Variants in SAMD5 observed in about 807,000 individuals in gnomAD.
The protein encoded by SAMD5 is sterile alpha motif domain-containing protein 5.
SAMD5 carries 13 observed loss-of-function variants against 11.3 expected under a neutral mutation model. The ratio of observed to expected loss-of-function variants is 1.15; its 90% CI spans 0.75 to 1.83. The LOEUF (loss-of-function observed/expected upper bound fraction) is 1.83, where lower values mean the gene tolerates loss of function less well. Among genes scored for constraint, SAMD5 ranks in the 40% most tolerant of loss-of-function variants. The pLI, the probability that SAMD5 is intolerant of heterozygous loss-of-function variation, is 0.00. For missense variants in SAMD5, 255 were observed against 239.1 expected (o/e 1.07, Z -0.44); for synonymous variants, 129 against 111.3 (o/e 1.16, Z -1.00).
chr6:147,562,939 CTTGGT>C (rs1283104665), intron 1 of SAMD5, among the ~76,000 whole-genome samples: 3 of 152,176 alleles, frequency 2.0e-5, no homozygotes, highest in African/African-American at 7.2e-5. Flanking sequence ...AGCCCAACAA[CTTGGT>C]TTGTTCAGAT....
the SAMD5 span, among the ~76,000 whole-genome samples, chr6:147,868,746 C>T: frequency 6.6e-6 from 1 of 152,192 alleles, no homozygotes; most frequent in Non-Finnish European, 1.5e-5. Flanking sequence ...ATTAAATACA[C>T]TTCCTCCCTG....
At chr6:147,909,135 C>T in the SAMD5 span, among the ~76,000 whole-genome samples, 5 of 152,136 alleles carry the variant, frequency 3.3e-5, no homozygotes, top group African/African-American at 9.7e-5. Flanking sequence ...CTTGAGCCTG[C>T]GAGGTTGAGG....
chr6:147,929,685 A>C, the SAMD5 span, among the ~76,000 whole-genome samples: 1 of 152,178 alleles, frequency 6.6e-6, no homozygotes, highest in Non-Finnish European at 1.5e-5. Flanking sequence ...AGACTGATGC[A>C]GTTGGGTTAT....
At chr6:147,918,566 G>A in the SAMD5 span, among the ~76,000 whole-genome samples, 1 of 152,022 alleles carries the variant, frequency 6.6e-6, no homozygotes. Flanking sequence ...GTCCCTGTTT[G>A]CAGATGACAT....
At chr6:147,632,858 A>G (rs1790171522) in intron 1 of SAMD5, among the ~76,000 whole-genome samples, 1 of 152,224 alleles carries the variant, frequency 6.6e-6, no homozygotes, top group Non-Finnish European at 1.5e-5. Flanking sequence ...ATTTCTACAT[A>G]AAAATTTGAA....
the SAMD5 span, among the ~76,000 whole-genome samples, chr6:147,893,310 G>A: frequency 6.6e-6 from 1 of 152,096 alleles, no homozygotes; most frequent in South Asian, 2.1e-4. Flanking sequence ...AGGAAATGGA[G>A]GATTAGAGGA....
At chr6:147,541,219 G>A (rs556871276) in intron 1 of SAMD5, among the ~76,000 whole-genome samples, 1 of 152,152 alleles carries the variant, frequency 6.6e-6, no homozygotes, top group Admixed American at 6.5e-5. Flanking sequence ...CAAAGAGCTG[G>A]GATTACAGGC....
At chr6:147,667,887 A>G (rs1790744312) in intron 1 of SAMD5, among the ~76,000 whole-genome samples, 1 of 152,190 alleles carries the variant, frequency 6.6e-6, no homozygotes, top group Admixed American at 6.5e-5. Flanking sequence ...TGTACTGCTT[A>G]TTATTTCTTT....
intron 1 of SAMD5, among the ~76,000 whole-genome samples, chr6:147,531,415 A>G (rs1464673333): frequency 6.6e-6 from 1 of 152,238 alleles, no homozygotes; most frequent in Non-Finnish European, 1.5e-5. Context: ...GATTATTACC[A>G]GGATAATGGC....
chr6:147,873,289 A>T, the SAMD5 span, among the ~76,000 whole-genome samples: 1 of 151,910 alleles, frequency 6.6e-6, no homozygotes, highest in African/African-American at 2.4e-5. Flanking sequence ...AGGCAGGAGA[A>T]TCGCTTGAAC....
At chr6:147,659,049 A>G (rs1359593375) in intron 1 of SAMD5, among the ~76,000 whole-genome samples, 2 of 152,230 alleles carry the variant, frequency 1.3e-5, no homozygotes, top group Non-Finnish European at 2.9e-5. Flanking sequence ...ACATCCTCTC[A>G]AAGGCAAACT....
the SAMD5 span, among the ~76,000 whole-genome samples, chr6:147,936,853 A>T: frequency 2.7e-4 from 41 of 152,262 alleles, no homozygotes; most frequent in Non-Finnish European, 5.1e-4. Flanking sequence ...AGGAAAATAC[A>T]TTCCTGGGGC....
rs1791396951 is a variant in SAMD5, at chr6:147,711,274, G to T, written c.163-26043G>T. Among the ~76,000 whole-genome samples the T allele has an allele frequency of 6.6e-6, 1 of 152,012 alleles. No individual in the cohort carries two copies. The highest frequency in any genetic ancestry group is 1.5e-5 in the Non-Finnish European group (1 of 67,980). ...TCGGAGAGTTCAGCCCATTGTCAGG[G>T]GTTTCACAGCTCGTAGGTTGTGGGA... On this transcript the variant is annotated intron_variant, in intron 1 of 1. Coordinates refer to the SAMD5 transcript ENST00000566741. The surrounding 1 kb of genome is among the most constrained non-coding windows in gnomAD (Gnocchi z 4.1).
At chr6:147,845,315 A>G in the SAMD5 span, among the ~76,000 whole-genome samples, 1 of 152,246 alleles carries the variant, frequency 6.6e-6, no homozygotes, top group Admixed American at 6.5e-5. Context: ...GAAAAAGAAA[A>G]AACTATTCAG....
At chr6:147,552,101 G>A (rs1788785042) in intron 1 of SAMD5, among the ~76,000 whole-genome samples, 1 of 152,070 alleles carries the variant, frequency 6.6e-6, no homozygotes, top group African/African-American at 2.4e-5. Context: ...CTGGAATTGA[G>A]GTTCCTGCAG....
intron 1 of SAMD5, among the ~76,000 whole-genome samples, chr6:147,637,881 A>G (rs1260069508): frequency 6.8e-6 from 1 of 147,918 alleles, no homozygotes; most frequent in East Asian, 2.0e-4. Flanking sequence ...TTTTCATTTT[A>G]AACCAATTTA....
chr6:147,674,807 C>G (rs1359581285), intron 1 of SAMD5, among the ~76,000 whole-genome samples: 1 of 152,208 alleles, frequency 6.6e-6, no homozygotes, highest in Non-Finnish European at 1.5e-5. Flanking sequence ...TGAGGAGAGA[C>G]AGCTGAACAA....
At chr6:147,789,580 C>T in the SAMD5 span, among the ~76,000 whole-genome samples, 1 of 152,074 alleles carries the variant, frequency 6.6e-6, no homozygotes, top group African/African-American at 2.4e-5. Flanking sequence ...TCTTACATGT[C>T]TTGGCACATT....
At chr6:147,894,726 T>G in the SAMD5 span, among the ~76,000 whole-genome samples, 1 of 152,214 alleles carries the variant, frequency 6.6e-6, no homozygotes, top group Non-Finnish European at 1.5e-5. Flanking sequence ...GAATTTATAT[T>G]TTTGGTGTGT....
Sources: gnomAD v4.1 joint callset for allele counts (sites outside exome capture counted in the v4.1 genomes callset) on GRCh38, gnomAD v4.1.1 for gene constraint, Gnocchi (gnomAD v3.1) non-coding constraint, MANE v1.5 for transcripts, NCBI Gene and HGNC (gene_info 2026-07-23, HGNC 2026-07-21) for gene names.